Variants in GRIN2B observed in about 807,000 individuals in gnomAD.
The protein encoded by GRIN2B is glutamate receptor ionotropic, NMDA 2B.
A neutral mutation model predicts 114.5 loss-of-function variants in GRIN2B; 5 were observed. The ratio of observed to expected loss-of-function variants is 0.04; its 90% CI spans 0.02 to 0.09. GRIN2B has a LOEUF of 0.09. Ranked by LOEUF, GRIN2B falls within the 10% of genes least tolerant of loss-of-function variation. GRIN2B has a pLI of 1.00. For missense variants in GRIN2B, 1,108 were observed against 1,943.5 expected (o/e 0.57, Z 8.08); for synonymous variants, 787 against 745.1 (o/e 1.06, Z -0.92).
At chr12:13,764,096 A>G (rs962685805) in intron 3 of GRIN2B, among the ~76,000 whole-genome samples, 4 of 151,686 alleles carry the variant, frequency 2.6e-5, no homozygotes, top group African/African-American at 9.7e-5. Flanking sequence ...AACCTGATAC[A>G]GGGAGAAACA....
chr12:13,569,783 G>GACTT (rs1565456959), intron 12 of GRIN2B, 47 bp downstream of exon 12: 1 of 1,174,460 alleles, frequency 8.5e-7, no homozygotes, highest in African/African-American at 1.5e-5. Flanking sequence ...GTTTTGGACT[G>GACTT]GCCATCAGTA....
At chr12:13,921,114 G>A (rs1866815210) in intron 2 of GRIN2B, among the ~76,000 whole-genome samples, 1 of 152,066 alleles carries the variant, frequency 6.6e-6, no homozygotes, top group Non-Finnish European at 1.5e-5. Context: ...AAAGTTTTAG[G>A]AACCAGGCAT....
At chr12:13,802,382 A>G (rs900061794) in intron 3 of GRIN2B, among the ~76,000 whole-genome samples, 1 of 152,178 alleles carries the variant, frequency 6.6e-6, no homozygotes, top group African/African-American at 2.4e-5. Context: ...ACTAGTTTAA[A>G]ATTAATGGAG....
chr12:13,951,726 CT>C (rs139386136), intron 2 of GRIN2B, among the ~76,000 whole-genome samples: 2,623 of 152,314 alleles, frequency 0.017, 44 homozygotes, highest in Non-Finnish European at 0.023. Context: ...TCATCTCTCT[CT>C]CTAGACTGTG....
At chr12:13,698,111 T>C (rs889499904) in intron 4 of GRIN2B, among the ~76,000 whole-genome samples, 2 of 152,224 alleles carry the variant, frequency 1.3e-5, no homozygotes, top group Non-Finnish European at 2.9e-5. Flanking sequence ...CCCACATCAT[T>C]ATCAGGCCGT....
At chr12:13,656,730 T>C (rs1269698915) in intron 5 of GRIN2B, among the ~76,000 whole-genome samples, 3 of 152,210 alleles carry the variant, frequency 2.0e-5, no homozygotes, top group Non-Finnish European at 4.4e-5. Context: ...AAATAAGCTA[T>C]TCTTATAACT....
intron 5 of GRIN2B, among the ~76,000 whole-genome samples, chr12:13,628,923 T>C (rs1465252564): frequency 6.6e-6 from 1 of 151,992 alleles, no homozygotes; most frequent in Non-Finnish European, 1.5e-5. Context: ...AAACAAGGTA[T>C]AAACATTAAA....
chr12:13,962,229 G>C (rs1867707206), intron 2 of GRIN2B, among the ~76,000 whole-genome samples: 1 of 152,006 alleles, frequency 6.6e-6, no homozygotes, highest in African/African-American at 2.4e-5. Flanking sequence ...CTGCACCGAG[G>C]AACCAGGCGG....
intron 5 of GRIN2B, among the ~76,000 whole-genome samples, chr12:13,632,967 G>A (rs3026180): frequency 3.3e-5 from 5 of 152,188 alleles, no homozygotes; most frequent in Non-Finnish European, 7.3e-5. Flanking sequence ...TCCTAGTGGG[G>A]AAATGAGGGA....
At chr12:13,602,361 C>G (rs1003732448) in intron 10 of GRIN2B, among the ~76,000 whole-genome samples, 1 of 152,190 alleles carries the variant, frequency 6.6e-6, no homozygotes, top group Non-Finnish European at 1.5e-5. Context: ...ATGACTGCTA[C>G]TTTCTCAATT....
intron 5 of GRIN2B, among the ~76,000 whole-genome samples, chr12:13,622,341 C>G (rs992096492): frequency 2.6e-5 from 4 of 152,280 alleles, no homozygotes; most frequent in Middle Eastern, 3.4e-3. Context: ...GAGGCAGAGT[C>G]TCTGCAAGGC....
At chr12:13,790,848 T>C (rs915544629) in intron 3 of GRIN2B, among the ~76,000 whole-genome samples, 1 of 152,074 alleles carries the variant, frequency 6.6e-6, no homozygotes, top group Non-Finnish European at 1.5e-5. Flanking sequence ...GGCAGTTTGG[T>C]TTGGGCAAGA....
Position 13,615,982 on chromosome 12 carries a change from C to G in GRIN2B, c.1329-318G>C, listed in dbSNP as rs754116029. On this transcript the variant is annotated intron_variant, in intron 6 of 13. Coordinates refer to ENST00000609686, the MANE Select transcript of GRIN2B (RefSeq NM_000834.5). This position sits in a 1 kb window ranked among gnomAD's most constrained non-coding sequence, Gnocchi z 5.8. Reference sequence around the variant, plus strand: ...GACTGAACTCTTATTAATCAGCACCCGGATCCAGATACAGAAAAGTTACCA... The same window carrying G: ...GACTGAACTCTTATTAATCAGCACCGGGATCCAGATACAGAAAAGTTACCA... Among the ~76,000 whole-genome samples the G allele has an allele frequency of 6.6e-6, 1 of 152,116 alleles. No homozygotes were observed. The highest frequency in any genetic ancestry group is 6.5e-5 in the Admixed American group (1 of 15,270).
At chr12:13,667,727 T>G (rs1474566410) in intron 5 of GRIN2B, among the ~76,000 whole-genome samples, 2 of 152,166 alleles carry the variant, frequency 1.3e-5, no homozygotes, top group Non-Finnish European at 2.9e-5. Flanking sequence ...TACATTAAGA[T>G]GCCAATTCTG....
At chr12:13,971,052 G>C (rs1591647392) in intron 2 of GRIN2B, among the ~76,000 whole-genome samples, 2 of 152,268 alleles carry the variant, frequency 1.3e-5, no homozygotes. Context: ...AAATTCCAGG[G>C]TAAAGGCTGC....
chr12:13,655,767 C>G (rs1479431291), intron 5 of GRIN2B, among the ~76,000 whole-genome samples: 1 of 152,180 alleles, frequency 6.6e-6, no homozygotes, highest in Non-Finnish European at 1.5e-5. Flanking sequence ...AGAACAGTGC[C>G]TGACCTATAA....
chr12:13,712,730 C>A (rs1334251889), intron 4 of GRIN2B, among the ~76,000 whole-genome samples: 1 of 151,862 alleles, frequency 6.6e-6, no homozygotes, highest in Non-Finnish European at 1.5e-5. Context: ...TCTTTTCTAT[C>A]AACTTTTGAA....
In GRIN2B at chr12:13,553,736, C is replaced by CA. The variant is rs1948445530; in HGVS notation, c.*9046dup. The CA allele has an allele frequency of 6.6e-6, 1 of 152,202 alleles. No homozygotes were observed. Among genetic ancestry groups the CA allele is most frequent in the Admixed American group, 6.5e-5 (1 of 15,282 alleles). 9.4% of individuals were successfully genotyped at this position (152,202 alleles called of 1,614,324 possible). A position where few individuals can be genotyped will look rare whatever the true frequency, so the allele number is the denominator to read the frequency against. On this transcript the variant is annotated 3_prime_UTR_variant, in exon 14 of 14. Transcript: ENST00000609686. ...AGCATGGATCAGGTTATTAGAGACT[C>CA]AATCTTGGTAGTAAAGTGTCTGGAT...
chr12:13,758,767 T>G (rs1037901020), intron 3 of GRIN2B, among the ~76,000 whole-genome samples: 4 of 152,186 alleles, frequency 2.6e-5, no homozygotes, highest in Admixed American at 2.0e-4. Context: ...CCCCTTTGCT[T>G]TTATCACATC....
Sources: gnomAD v4.1 joint callset for allele counts (sites outside exome capture counted in the v4.1 genomes callset) on GRCh38, gnomAD v4.1.1 for gene constraint, Gnocchi (gnomAD v3.1) non-coding constraint, MANE v1.5 for transcripts, NCBI Gene and HGNC (gene_info 2026-07-23, HGNC 2026-07-21) for gene names.